The following STX8 variants were observed in gnomAD, a reference collection of about 807,000 sequenced individuals.
STX8 encodes syntaxin-8.
Under a neutral mutation model 37.5 loss-of-function variants are expected in STX8, and 23 were observed. That is an observed-to-expected ratio of 0.61 (90% CI 0.44 to 0.87). The LOEUF (loss-of-function observed/expected upper bound fraction) is 0.87. Ranked by LOEUF, STX8 falls within the 40% of genes least tolerant of loss-of-function variation. The pLI, the probability that STX8 is intolerant of heterozygous loss-of-function variation, is 0.00. For missense variants in STX8, 313 were observed against 284.7 expected (o/e 1.10, Z -0.71); for synonymous variants, 115 against 99.1 (o/e 1.16, Z -0.95).
intron 4 of STX8, among the ~76,000 whole-genome samples, chr17:9,537,487 C>T (rs1327526959): frequency 6.6e-6 from 1 of 152,182 alleles, no homozygotes; most frequent in Non-Finnish European, 1.5e-5. Flanking sequence ...CTTTACGTGA[C>T]AGACTTTACA....
intron 6 of STX8, among the ~76,000 whole-genome samples, chr17:9,404,492 G>A (rs2142324332): frequency 6.6e-6 from 1 of 151,618 alleles, no homozygotes; most frequent in African/African-American, 2.4e-5. Context: ...GTCTCGCTCT[G>A]TCACCACGCT....
chr17:9,352,064 T>C (rs1910723570), intron 7 of STX8, among the ~76,000 whole-genome samples: 1 of 151,084 alleles, frequency 6.6e-6, no homozygotes, highest in African/African-American at 2.4e-5. Flanking sequence ...GGCAGGAGGA[T>C]TGTTTGAGCC....
At position 9,403,625 on chromosome 17, in the gene STX8, C is replaced by A. The variant is rs570187995; in HGVS notation, c.542-24972G>T. 1.8e-4 allele frequency among the ~76,000 whole-genome samples: 27 copies of A among 151,812 alleles called. No individual in the cohort carries two copies. The South Asian group carries it at 5.4e-3, about 31-fold the overall frequency. ...TGGAGGTTATGGTGCCGACACCCAG[C>A]AAAGTTGAACATCACTTTTTTTTTT... On this transcript the variant is annotated intron_variant, in intron 6 of 7. Transcript: ENST00000306357.
rs556029778 is a variant in STX8, at chr17:9,495,836, T to TGGC, written c.449-3918_449-3916dup. Among the ~76,000 whole-genome samples the TGGC allele has an allele frequency of 2.2e-4, 34 of 152,336 alleles. No individual in the cohort carries two copies. In the South Asian group the frequency reaches 6.6e-3, roughly 30 times the overall value. ...AGGCATTTCTAAGGGGAAGGTGGTA[T>TGGC]GGCTATCTTAGAGACAATGATCAAA... is the stretch of plus-strand genomic sequence containing the variant. On this transcript the variant is annotated intron_variant, in intron 5 of 7. Transcript: ENST00000306357.
intron 7 of STX8, among the ~76,000 whole-genome samples, chr17:9,298,838 A>C (rs534933144): frequency 4.4e-4 from 67 of 152,272 alleles, no homozygotes; most frequent in South Asian, 1.7e-3. Flanking sequence ...AAAACAAAAC[A>C]AAACCAAACC....
intron 6 of STX8, among the ~76,000 whole-genome samples, chr17:9,472,972 A>T (rs1905938364): frequency 6.6e-6 from 1 of 152,176 alleles, no homozygotes; most frequent in African/African-American, 2.4e-5. Flanking sequence ...AGCTGGCCAA[A>T]CCCATCACCA....
intron 6 of STX8, among the ~76,000 whole-genome samples, chr17:9,399,802 G>A (rs550548137): frequency 5.8e-4 from 88 of 150,566 alleles, no homozygotes; most frequent in African/African-American, 2.1e-3. Context: ...GGAGGCAGAG[G>A]TTGCAGTGAG....
At chr17:9,568,094 ATTTATTATCTGTAGGAAG>A (rs1413001289) in intron 2 of STX8, among the ~76,000 whole-genome samples, 2 of 152,228 alleles carry the variant, frequency 1.3e-5, no homozygotes, top group East Asian at 3.8e-4. Flanking sequence ...AGACTAAAAG[ATTTATTATCTGTAGGAAG>A]TTTACTAACC....
chr17:9,278,140 G>C (rs566582550), intron 7 of STX8, among the ~76,000 whole-genome samples: 24 of 151,900 alleles, frequency 1.6e-4, no homozygotes, highest in African/African-American at 5.1e-4. Flanking sequence ...TGGCAGTGGA[G>C]ACAGAGGGAT....
chr17:9,367,968 G>A (rs1161652846), intron 7 of STX8, among the ~76,000 whole-genome samples: 1 of 151,996 alleles, frequency 6.6e-6, no homozygotes, highest in African/African-American at 2.4e-5. Flanking sequence ...CTGACTTCAG[G>A]TGATCCACCT....
chr17:9,337,956 G>C (rs1910191341), intron 7 of STX8, among the ~76,000 whole-genome samples: 1 of 150,920 alleles, frequency 6.6e-6, no homozygotes, highest in Admixed American at 6.6e-5. Context: ...AGTGAAGGAA[G>C]ATTCGGCCTG....
intron 6 of STX8, among the ~76,000 whole-genome samples, chr17:9,389,756 A>T (rs2142301348): frequency 7.0e-6 from 1 of 143,096 alleles, no homozygotes; most frequent in Non-Finnish European, 1.5e-5. Context: ...ATAATATTTG[A>T]AGACAAATGT....
intron 6 of STX8, among the ~76,000 whole-genome samples, chr17:9,425,925 G>A (rs749300010): frequency 3.9e-5 from 6 of 152,136 alleles, no homozygotes; most frequent in East Asian, 1.9e-4. Context: ...TTGCACGCAC[G>A]TATGCACGCG....
chr17:9,566,130 A>C (rs1907450557), intron 2 of STX8, among the ~76,000 whole-genome samples: 1 of 152,210 alleles, frequency 6.6e-6, no homozygotes, highest in Admixed American at 6.5e-5. Context: ...CACCCCATTA[A>C]AAAGCAGACA....
At chr17:9,333,015 G>A (rs896820191) in intron 7 of STX8, among the ~76,000 whole-genome samples, 3 of 152,168 alleles carry the variant, frequency 2.0e-5, no homozygotes, top group African/African-American at 7.2e-5. Context: ...TTCCCCTACC[G>A]AGAATGAAGA....
chr17:9,339,871 TCTGA>T (rs547548298), intron 7 of STX8, among the ~76,000 whole-genome samples: 263 of 152,376 alleles, frequency 1.7e-3, no homozygotes, highest in African/African-American at 5.5e-3. Flanking sequence ...TACTGCTTAC[TCTGA>T]CTATTATTAT....
intron 7 of STX8, among the ~76,000 whole-genome samples, chr17:9,332,622 A>G (rs988795882): frequency 8.5e-5 from 13 of 152,238 alleles, no homozygotes; most frequent in African/African-American, 3.1e-4. Flanking sequence ...TATTCAAACC[A>G]TTGTCTAGTG....
At chr17:9,369,886 CAAAAAAAAA>C (rs60178482) in intron 7 of STX8, among the ~76,000 whole-genome samples, 1,821 of 52,160 alleles carry the variant, frequency 0.035, 71 homozygotes, top group African/African-American at 0.11. Context: ...GACCCTGTAC[CAAAAAAAAA>C]AAAAAAAAAA....
intron 2 of STX8, among the ~76,000 whole-genome samples, chr17:9,560,841 G>C (rs979756880): frequency 2.0e-5 from 3 of 151,882 alleles, no homozygotes; most frequent in African/African-American, 7.3e-5. Context: ...ATGTTCATAG[G>C]GGCCTTAATC....
Sources: allele counts gnomAD v4.1 joint callset (sites outside exome capture counted in the v4.1 genomes callset), GRCh38; gene constraint gnomAD v4.1.1; transcripts MANE v1.5; gene names NCBI Gene and HGNC (gene_info 2026-07-23, HGNC 2026-07-21).